ABCF1: variants seen among roughly 807,000 people sequenced by gnomAD.
The protein encoded by ABCF1 is ATP binding cassette subfamily F member 1, also known as ATP-binding cassette sub-family F member 1.
Under a neutral mutation model 126.3 loss-of-function variants are expected in ABCF1, and 73 were observed. The observed-to-expected ratio is 0.58, with a 90% confidence interval of 0.48 to 0.70. The LOEUF (loss-of-function observed/expected upper bound fraction) is 0.70. ABCF1 is among the 30% of genes least tolerant of loss of function. ABCF1 has a pLI of 0.00. For synonymous variants in ABCF1, 345 were observed against 396.4 expected, an observed-to-expected ratio of 0.87 and a Z score of 1.54; for missense variants, 786 against 1,057.5, an observed-to-expected ratio of 0.74 and a Z score of 3.56.
In ABCF1 at chr6:30,584,493, T is replaced by C. The variant is rs1233144010; in HGVS notation, c.1318T>C (p.Phe440Leu). Residue 440 changes from phenylalanine (F) to leucine (L), a missense_variant, in exon 14 of 25, where the codon TTT (phenylalanine) becomes CTT (leucine). Phe to Leu is a conservative substitution (Grantham distance 22, BLOSUM62 0). Coordinates refer to ENST00000326195, the MANE Select transcript of ABCF1 (RefSeq NM_001025091.2). This position sits in a 1 kb window ranked among gnomAD's most constrained non-coding sequence, Gnocchi z 4.6. ...KARRILAGLG[F>L]DPEMQNRPTQ... ...ACGGCGGATCCTGGCTGGCCTGGGC[T>C]TTGACCCTGAAATGCAGAATCGACC... The C allele has an allele frequency of 6.2e-7, 1 of 1,612,872 alleles. No homozygotes were observed. Among genetic ancestry groups the C allele is most frequent in the Non-Finnish European group, 8.5e-7 (1 of 1,180,020 alleles).
intron 7 of ABCF1, among the ~76,000 whole-genome samples, 173 bp from the exon 8 acceptor site, chr6:30,580,233 G>C (rs987489151): frequency 2.6e-5 from 4 of 151,826 alleles, no homozygotes; most frequent in African/African-American, 7.3e-5. Flanking sequence ...TGTAGTCCCA[G>C]CTACTCGGGA....
chr6:30,587,311 G>A (rs896219982), intron 20 of ABCF1, among the ~76,000 whole-genome samples: 6 of 151,928 alleles, frequency 3.9e-5, no homozygotes, highest in Admixed American at 3.9e-4. Flanking sequence ...AACTCTTTGG[G>A]GGAGGCTGAG....
chr6:30,590,067 C>T, intron 22 of ABCF1, 82 bp from the exon 23 acceptor site: 3 of 1,606,268 alleles, frequency 1.9e-6, no homozygotes, highest in Non-Finnish European at 2.6e-6. Context: ...GGAGCCTCAG[C>T]TCACAAACTG....
chr6:30,583,031 T>C lies in ABCF1; in HGVS notation c.793-35T>C, dbSNP rs761034649. 2.5e-6 allele frequency: 4 copies of C among 1,590,048 alleles called. No individual in the cohort carries two copies. The highest frequency in any genetic ancestry group is 2.3e-5 in the East Asian group (1 of 44,314). On this transcript the variant is annotated intron_variant, in intron 9 of 24. Transcript: ENST00000326195. The surrounding 1 kb of genome is among the most constrained non-coding windows in gnomAD (Gnocchi z 4.1). ...TCATGGTGATGGGAAACTGGTAGAC[T>C]GTGGCTTCAAATGTAGTTTTTCCTA... is the stretch of plus-strand genomic sequence containing the variant.
At chr6:30,578,050 TC>T (rs1801595487) in intron 3 of ABCF1, 25 bp from the exon 4 acceptor site, 1 of 1,613,898 alleles carries the variant, frequency 6.2e-7, no homozygotes, top group South Asian at 1.1e-5. Context: ...GGCTTCATTT[TC>T]TCACTGTTCT....
chr6:30,590,948 A>C lies in ABCF1; in HGVS notation c.*247A>C. The C allele has an allele frequency of 2.2e-6, 1 of 457,634 alleles. No individual in the cohort carries two copies. 28.3% of individuals were successfully genotyped at this position (457,634 alleles called of 1,614,324 possible). A position where few individuals can be genotyped will look rare whatever the true frequency, so the allele number is the denominator to read the frequency against. ...GGCCTTATCCTTGGCATCCCCCTAA[A>C]CAAACAAGAGGTGACCACCTTATTG... On this transcript the variant is annotated 3_prime_UTR_variant, in exon 25 of 25. Coordinates refer to ENST00000326195, the MANE Select transcript of ABCF1 (RefSeq NM_001025091.2).
intron 1 of ABCF1, 122 bp downstream of exon 1, chr6:30,571,682 C>T (rs1374784265): frequency 3.7e-6 from 4 of 1,095,724 alleles, no homozygotes; most frequent in Admixed American, 4.9e-5. Context: ...ACTGCGCATG[C>T]GTGCCGTGGG....
rs1026325468 is a variant in ABCF1 at position 30,591,486 on chromosome 6, C to T, written c.*785C>T. 6.6e-6 allele frequency: 1 copy of T among 151,198 alleles called. No homozygotes were observed. The highest frequency in any genetic ancestry group is 2.4e-5 in the African/African-American group (1 of 41,074). 9.4% of individuals were successfully genotyped at this position (151,198 alleles called of 1,614,324 possible). On this transcript the variant is annotated 3_prime_UTR_variant, in exon 25 of 25. Coordinates refer to ENST00000326195, the MANE Select transcript of ABCF1 (RefSeq NM_001025091.2). ...ATCATAGGATTCCTTTCCCCCAACC[C>T]TTCACGCAAGGAAAAAGCAAAGTGA... is the stretch of plus-strand genomic sequence containing the variant.
intron 1 of ABCF1, among the ~76,000 whole-genome samples, chr6:30,576,839 C>T (rs920815017): frequency 2.6e-5 from 4 of 152,224 alleles, no homozygotes; most frequent in Non-Finnish European, 5.9e-5. Context: ...CCATTCTCCC[C>T]TCAGTCTGTA....
At position 30,578,396 on chromosome 6, in the gene ABCF1, T is replaced by G. The variant is rs761948205; in HGVS notation, c.381+11T>G. 1 of 1,614,112 alleles carries G rather than the reference T, an allele frequency of 6.2e-7. No individual in the cohort carries two copies. Among genetic ancestry groups the G allele is most frequent in the South Asian group, 1.1e-5 (1 of 91,084 alleles). ...GGGAAGAAAACCAAGGTAAGCCATC[T>G]GTGTGGTAAACGGAGACTCCAAGGA... On this transcript the variant is annotated intron_variant, in intron 5 of 24. Coordinates refer to ENST00000326195, the MANE Select transcript of ABCF1 (RefSeq NM_001025091.2).
At position 30,573,496 on chromosome 6, in the gene ABCF1, A is replaced by G. The variant is rs187881865; in HGVS notation, c.73+1936A>G. 3.4e-4 allele frequency among the ~76,000 whole-genome samples: 52 copies of G among 152,300 alleles called. 1 individual carries two copies. In the South Asian group the frequency reaches 7.2e-3, roughly 21 times the overall value. On this transcript the variant is annotated intron_variant, in intron 1 of 24. Coordinates refer to ENST00000326195, the MANE Select transcript of ABCF1 (RefSeq NM_001025091.2). Reference sequence around the variant, plus strand: ...CTGGATATGGAAGAGTCCCCTAGAGAGTGTTTGCAGATTGAACCAAAAAGA... The same window carrying G: ...CTGGATATGGAAGAGTCCCCTAGAGGGTGTTTGCAGATTGAACCAAAAAGA...
At chr6:30,578,251 G>A (rs1005092220) in intron 4 of ABCF1, 49 bp downstream of exon 4, 2 of 1,613,678 alleles carry the variant, frequency 1.2e-6, no homozygotes, top group Non-Finnish European at 1.7e-6. Flanking sequence ...GAGTCATGGA[G>A]AGTGATACCT....
chr6:30,585,390 C>T (rs1392376229), intron 15 of ABCF1, 47 bp downstream of exon 15: 1 of 1,595,088 alleles, frequency 6.3e-7, no homozygotes, highest in South Asian at 1.1e-5. Flanking sequence ...GCACTTTCTT[C>T]CCCTTCCCTC....
rs879290037 is a variant in ABCF1, at chr6:30,573,166, GGA to G, written c.73+1607_73+1608del. Among the ~76,000 whole-genome samples, 37 of 152,290 alleles carry G rather than the reference GGA, an allele frequency of 2.4e-4. 1 individual carries two copies. Among genetic ancestry groups the G allele is most frequent in the Admixed American group, 1.6e-3 (25 of 15,286 alleles). ...ATGATCTAGGTGAGAAGTGGTAAGG[GGA>G]TAAGCCAAGGCCTGAAGAATAAAGA... On this transcript the variant is annotated intron_variant, in intron 1 of 24. Transcript: ENST00000326195.
At position 30,584,356 on chromosome 6, in the gene ABCF1, C is replaced by T. The variant is rs749129720; in HGVS notation, c.1242+25C>T. 9.3e-6 allele frequency: 15 copies of T among 1,612,956 alleles called. No homozygotes were observed. In the African/African-American group the frequency reaches 1.2e-4, roughly 13 times the overall value. On this transcript the variant is annotated intron_variant, in intron 13 of 24. Transcript: ENST00000326195. This position sits in a 1 kb window ranked among gnomAD's most constrained non-coding sequence, Gnocchi z 4.6. ...GGTAGAGGAGATGGCGCAGGGGACACGGGCAAAGACTTGGGGGTTCCTGGG... is the reference window on the plus strand; with the variant it reads ...GGTAGAGGAGATGGCGCAGGGGACATGGGCAAAGACTTGGGGGTTCCTGGG...
chr6:30,575,071 C>CT lies in ABCF1; in HGVS notation c.74-2320dup, dbSNP rs958476559. Reference sequence around the variant, plus strand: ...ATGGCGGATACCATTGACTTTTTTTCTTTTTTTTTTTTTTTTTTGAGACAG... The same window carrying CT: ...ATGGCGGATACCATTGACTTTTTTTCTTTTTTTTTTTTTTTTTTTGAGACAG... On this transcript the variant is annotated intron_variant, in intron 1 of 24. Coordinates refer to ENST00000326195, the MANE Select transcript of ABCF1 (RefSeq NM_001025091.2). Among the ~76,000 whole-genome samples the CT allele has an allele frequency of 6.4e-3, 825 of 129,768 alleles. 5 individuals are homozygous for CT. Among genetic ancestry groups the CT allele is most frequent in the Middle Eastern group, 0.012 (3 of 258 alleles). 85.1% of individuals were successfully genotyped at this position (129,768 alleles called of 152,430 possible).
chr6:30,573,446 G>A (rs1334902653), intron 1 of ABCF1, among the ~76,000 whole-genome samples: 1 of 152,214 alleles, frequency 6.6e-6, no homozygotes, highest in African/African-American at 2.4e-5. Flanking sequence ...TAGGAGTAAA[G>A]ACACAGGCAA....
At position 30,583,543 on chromosome 6, in the gene ABCF1, TC is replaced by T; in HGVS notation, c.916-62del. On this transcript the variant is annotated intron_variant, in intron 10 of 24. Transcript: ENST00000326195. This position sits in a 1 kb window ranked among gnomAD's most constrained non-coding sequence, Gnocchi z 4.1. ...TGCAGGGAGAAAGTGGCCGCTCCTG[TC>T]CCAAAGGGAGAATTTTCATGTGATC... 1 of 1,553,080 alleles carries T rather than the reference TC, an allele frequency of 6.4e-7. No homozygotes were observed. Among genetic ancestry groups the T allele is most frequent in the Non-Finnish European group, 8.9e-7 (1 of 1,126,516 alleles).
At chr6:30,577,109 C>G (rs1801538434) in intron 1 of ABCF1, among the ~76,000 whole-genome samples, 1 of 152,222 alleles carries the variant, frequency 6.6e-6, no homozygotes, top group African/African-American at 2.4e-5. Flanking sequence ...AAAAATCTCT[C>G]TTCCTATAGC....
Sources: gnomAD v4.1 joint callset for allele counts (sites outside exome capture counted in the v4.1 genomes callset) on GRCh38, gnomAD v4.1.1 for gene constraint, Gnocchi (gnomAD v3.1) non-coding constraint, MANE v1.5 for transcripts, NCBI Gene and HGNC (gene_info 2026-07-23, HGNC 2026-07-21) for gene names.